The following EIPR1 variants were observed in gnomAD, a reference collection of about 807,000 sequenced individuals.
EIPR1 encodes EARP and GARP complex-interacting protein 1.
In EIPR1, 25 loss-of-function variants were observed where a neutral mutation model predicts 48.1. The observed-to-expected ratio is 0.52, with a 90% confidence interval of 0.38 to 0.73. The LOEUF (loss-of-function observed/expected upper bound fraction) is 0.73. Among genes scored for constraint, EIPR1 ranks in the 30% least tolerant of loss-of-function variants. The pLI, the probability that EIPR1 is intolerant of heterozygous loss-of-function variation, is 0.00. For missense variants in EIPR1, 415 were observed against 506.2 expected (o/e 0.82, Z 1.73); for synonymous variants, 204 against 201.9 (o/e 1.01, Z -0.09).
intron 1 of EIPR1, among the ~76,000 whole-genome samples, chr2:3,359,229 T>C (rs1324646998): frequency 6.6e-6 from 1 of 152,178 alleles, no homozygotes; most frequent in African/African-American, 2.4e-5. Context: ...TGCCATCACT[T>C]TAAAATAGAA....
intron 3 of EIPR1, among the ~76,000 whole-genome samples, chr2:3,337,650 G>A (rs1670107002): frequency 6.6e-6 from 1 of 152,134 alleles, no homozygotes; most frequent in African/African-American, 2.4e-5. Context: ...TTACCAAAGA[G>A]CACTGGAAGA....
chr2:3,322,874 G>A (rs1219221277), intron 3 of EIPR1, among the ~76,000 whole-genome samples: 1 of 152,218 alleles, frequency 6.6e-6, no homozygotes, highest in Non-Finnish European at 1.5e-5. Context: ...GCAGGGCCCT[G>A]TCCCATCAGC....
intron 4 of EIPR1, among the ~76,000 whole-genome samples, chr2:3,256,647 T>C (rs916754660): frequency 4.6e-5 from 7 of 152,230 alleles, no homozygotes; most frequent in Admixed American, 6.5e-5. Flanking sequence ...TAAACACTCA[T>C]AACAACAGTA....
At chr2:3,275,459 A>G (rs1439170725) in intron 3 of EIPR1, among the ~76,000 whole-genome samples, 1 of 152,204 alleles carries the variant, frequency 6.6e-6, no homozygotes, top group African/African-American at 2.4e-5. Context: ...AACTGATAGA[A>G]CCAGTTAGAA....
chr2:3,364,210 C>A (rs1670918755), intron 1 of EIPR1, among the ~76,000 whole-genome samples: 1 of 152,118 alleles, frequency 6.6e-6, no homozygotes, highest in South Asian at 2.1e-4. Flanking sequence ...ATACCTGCAC[C>A]CGTGGGTATA....
At chr2:3,268,225 G>A (rs1005520556) in intron 3 of EIPR1, among the ~76,000 whole-genome samples, 3 of 152,168 alleles carry the variant, frequency 2.0e-5, no homozygotes, top group Non-Finnish European at 4.4e-5. Flanking sequence ...CCTGGGGCCC[G>A]CGCCAGCATC....
At chr2:3,201,202 C>T (rs6548128) in intron 5 of EIPR1, among the ~76,000 whole-genome samples, 71,502 of 151,988 alleles carry the variant, frequency 0.47, 17,477 homozygotes, top group Middle Eastern at 0.63. Flanking sequence ...GCAAAAGCGC[C>T]GGGAACACCA....
intron 3 of EIPR1, among the ~76,000 whole-genome samples, chr2:3,290,474 G>A (rs1668332955): frequency 6.6e-6 from 1 of 152,188 alleles, no homozygotes; most frequent in East Asian, 1.9e-4. Flanking sequence ...CCATAATCAA[G>A]AGAAAAATCT....
chr2:3,328,824 C>T lies in EIPR1; in HGVS notation c.259+9193G>A, dbSNP rs1301712310. On this transcript the variant is annotated intron_variant, in intron 3 of 8. Coordinates refer to ENST00000382125, the MANE Select transcript of EIPR1 (RefSeq NM_003310.5). ...CCTGAATCAGAGCCCACCCACCACG[C>T]TCTAATGATCTCAGGGCACCAGCTG... 2.9e-5 allele frequency among the ~76,000 whole-genome samples: 4 copies of T among 136,032 alleles called. No homozygotes were observed. The South Asian group carries it at 7.7e-4, about 26-fold the overall frequency. 89.2% of individuals were successfully genotyped at this position (136,032 alleles called of 152,430 possible).
At chr2:3,351,883 C>G (rs1055576252) in intron 2 of EIPR1, among the ~76,000 whole-genome samples, 3 of 152,204 alleles carry the variant, frequency 2.0e-5, no homozygotes, top group Non-Finnish European at 4.4e-5. Context: ...ATAAGCAATT[C>G]ATAAGTCTAA....
chr2:3,328,047 G>C (rs946688520), intron 3 of EIPR1, among the ~76,000 whole-genome samples: 8 of 152,134 alleles, frequency 5.3e-5, no homozygotes. Context: ...GTAGACAAGA[G>C]AGGGTGGGGA....
chr2:3,236,894 T>C (rs1042060317), intron 4 of EIPR1, among the ~76,000 whole-genome samples: 4 of 152,202 alleles, frequency 2.6e-5, no homozygotes, highest in African/African-American at 9.6e-5. Flanking sequence ...AGGAAGCTTG[T>C]TGGCTTCAAT....
At chr2:3,247,149 G>A (rs920590477) in intron 4 of EIPR1, among the ~76,000 whole-genome samples, 3 of 151,784 alleles carry the variant, frequency 2.0e-5, no homozygotes, top group East Asian at 1.9e-4. Flanking sequence ...TCCCTCAAAA[G>A]CTTCTTATTA....
chr2:3,223,486 G>C (rs576045058), intron 4 of EIPR1, among the ~76,000 whole-genome samples: 17 of 152,136 alleles, frequency 1.1e-4, no homozygotes, highest in Admixed American at 1.1e-3. Flanking sequence ...AATTCATCCC[G>C]CCCCCTCTGA....
chr2:3,306,126 G>A (rs940517071), intron 3 of EIPR1, among the ~76,000 whole-genome samples: 7 of 152,222 alleles, frequency 4.6e-5, no homozygotes, highest in South Asian at 2.1e-4. Context: ...CAGCGCAGAC[G>A]CATTCAGCCT....
chr2:3,289,690 C>T (rs914577163), intron 3 of EIPR1, among the ~76,000 whole-genome samples: 19 of 152,362 alleles, frequency 1.2e-4, no homozygotes, highest in Middle Eastern at 3.4e-3. Flanking sequence ...CCATGCTCAT[C>T]TCCCCGACGC....
At chr2:3,318,133 C>G (rs920615151) in intron 3 of EIPR1, among the ~76,000 whole-genome samples, 1 of 152,250 alleles carries the variant, frequency 6.6e-6, no homozygotes, top group Admixed American at 6.5e-5. Context: ...GCTGCCATGT[C>G]GAAACGGCTG....
In EIPR1 at chr2:3,301,912, A is replaced by G. The variant is rs149234184; in HGVS notation, c.259+36105T>C. Among the ~76,000 whole-genome samples, 257 of 152,330 alleles carry G rather than the reference A, an allele frequency of 1.7e-3. 1 individual carries two copies. Among genetic ancestry groups the G allele is most frequent in the African/African-American group, 6.0e-3 (250 of 41,578 alleles). ...ACTCACATCTGGGCTTCTCACTTCTAAAACAAGGGTCAGGAGGCCAGAAGG... is the reference window on the plus strand; with the variant it reads ...ACTCACATCTGGGCTTCTCACTTCTGAAACAAGGGTCAGGAGGCCAGAAGG... On this transcript the variant is annotated intron_variant, in intron 3 of 8. Coordinates refer to ENST00000382125, the MANE Select transcript of EIPR1 (RefSeq NM_003310.5).
chr2:3,201,998 G>T (rs6731883), intron 5 of EIPR1, among the ~76,000 whole-genome samples: 2 of 151,716 alleles, frequency 1.3e-5, no homozygotes, highest in African/African-American at 4.8e-5. Flanking sequence ...GTGCAGTGGC[G>T]CGATCTCGGC....
Sources: gnomAD v4.1 joint callset for allele counts (sites outside exome capture counted in the v4.1 genomes callset) on GRCh38, gnomAD v4.1.1 for gene constraint, MANE v1.5 for transcripts, NCBI Gene and HGNC (gene_info 2026-07-23, HGNC 2026-07-21) for gene names.